KDM5B: variants seen among roughly 807,000 people sequenced by gnomAD.
The protein encoded by KDM5B is lysine-specific demethylase 5B.
A neutral mutation model predicts 193.4 loss-of-function variants in KDM5B; 144 were observed. The observed-to-expected ratio is 0.74, with a 90% confidence interval of 0.65 to 0.86. The LOEUF is 0.86. Among genes scored for constraint, KDM5B ranks in the 40% least tolerant of loss-of-function variants. The pLI, the probability that KDM5B is intolerant of heterozygous loss-of-function variation, is 0.00. For synonymous variants in KDM5B, 668 were observed against 682.6 expected (o/e 0.98, Z 0.33); for missense variants, 1,833 against 1,886.9 (o/e 0.97, Z 0.53).
rs1572698268 is a variant in KDM5B at position 202,725,586 on chromosome 1, G to A, written c.*3450C>T. On this transcript the variant is annotated 3_prime_UTR_variant, in exon 27 of 27. Coordinates refer to ENST00000367265, the MANE Select transcript of KDM5B (RefSeq NM_006618.5). ...ACATAGCTCAATAAAGGCCGACACT[G>A]GGATCTTCATTGCTTTCCTCAGCTT... The A allele has an allele frequency of 6.6e-6, 1 of 152,300 alleles. No homozygotes were observed. Among genetic ancestry groups the A allele is most frequent in the East Asian group, 1.9e-4 (1 of 5,178 alleles). 9.4% of individuals were successfully genotyped at this position (152,300 alleles called of 1,614,324 possible).
intron 26 of KDM5B, chr1:202,729,459 G>C: frequency 1.7e-6 from 1 of 588,126 alleles, no homozygotes; most frequent in Non-Finnish European, 3.0e-6. Flanking sequence ...CCTTCTTAGC[G>C]CCGGGAAGGT....
chr1:202,741,170 G>A (rs973728914), intron 19 of KDM5B, among the ~76,000 whole-genome samples, 197 bp downstream of exon 19: 12 of 152,168 alleles, frequency 7.9e-5, no homozygotes, highest in African/African-American at 2.9e-4. Flanking sequence ...TTTTTAATCA[G>A]TAAAATAAGA....
At chr1:202,799,083 C>A (rs1657969333) in intron 1 of KDM5B, among the ~76,000 whole-genome samples, 1 of 152,118 alleles carries the variant, frequency 6.6e-6, no homozygotes, top group African/African-American at 2.4e-5. Context: ...TGGCACTAAC[C>A]CTTGTCTCAC....
intron 3 of KDM5B, 88 bp from the exon 4 acceptor site, chr1:202,773,376 C>A: frequency 9.2e-7 from 1 of 1,083,280 alleles, no homozygotes; most frequent in East Asian, 2.4e-5. Context: ...ATGTTCTTGG[C>A]TATGGTTATC....
intron 12 of KDM5B, among the ~76,000 whole-genome samples, 159 bp downstream of exon 12, chr1:202,752,746 G>C (rs1655842123): frequency 6.6e-6 from 1 of 152,206 alleles, no homozygotes; most frequent in Admixed American, 6.5e-5. Context: ...CAGTCCTACT[G>C]AGTAAATGTA....
In KDM5B at chr1:202,740,798, A is replaced by G; in HGVS notation, c.2960T>C (p.Leu987Ser). Residue 987 changes from leucine to serine, a missense_variant, in exon 20 of 27, where the codon TTG (leucine) becomes TCG (serine). This residue lies in a region of KDM5B where 1,379 missense variants were observed against 1,349.6 expected (regional missense o/e 1.02). Coordinates refer to ENST00000367265, the MANE Select transcript of KDM5B (RefSeq NM_006618.5). Reference sequence around the variant, plus strand: ...CTTTACTGCCGTAGCAAGGCTATTCAATGAATGTCGTGGCCTACAAAATGC... The same window carrying G: ...CTTTACTGCCGTAGCAAGGCTATTCGATGAATGTCGTGGCCTACAAAATGC... ...SLLKARPRHS[L>S]NSLATAVKEI... 2 of 1,611,290 alleles carry G rather than the reference A, an allele frequency of 1.2e-6. No homozygotes were observed. The highest frequency in any genetic ancestry group is 1.1e-5 in the South Asian group (1 of 90,860).
At chr1:202,760,914 A>C (rs1656221408) in intron 7 of KDM5B, among the ~76,000 whole-genome samples, 1 of 152,078 alleles carries the variant, frequency 6.6e-6, no homozygotes, top group Non-Finnish European at 1.5e-5. Flanking sequence ...TGTAGTTCCA[A>C]CTACTTGGGG....
At position 202,808,118 on chromosome 1, in the gene KDM5B, T is replaced by G; in HGVS notation, c.188A>C (p.Lys63Thr). The G allele has an allele frequency of 6.2e-7, 1 of 1,611,574 alleles. No homozygotes were observed. Among genetic ancestry groups the G allele is most frequent in the Non-Finnish European group, 8.5e-7 (1 of 1,179,122 alleles). Residue 63 changes from lysine to threonine, a missense_variant, in exon 1 of 27, where the codon AAG becomes ACG. Physicochemically the swap from Lys to Thr is moderately conservative, Grantham distance 78. Transcript: ENST00000367265. ...RPIAEQTGIC[K>T]VRPPPDWQPP... ...GTGACTCACCGGCGGCGGCCGCACC[T>G]TACAGATGCCAGTCTGCTCGGCTAT... is the stretch of plus-strand genomic sequence containing the variant.
Position 202,746,281 on chromosome 1 carries a change from C to G in KDM5B, c.2059G>C (p.Asp687His). ...SERMDFELLP[D>H]DERQCVKCKT... The stretch of plus-strand genomic sequence containing the variant: ...CATTTTACACACTGACGTTCATCAT[C>G]TGGCAACAGCTCAAAATCCATTCTT... The change falls in exon 15 of 27, where the codon GAT (aspartate) becomes CAT (histidine). Residue 687 changes from aspartate to histidine, a missense_variant. By Grantham distance (81) the Asp-to-His change is moderately conservative. Around this residue, in one of 3 missense-constraint regions of KDM5B, gnomAD observed 1,379 missense variants for 1,349.6 expected, o/e 1.02. Coordinates refer to ENST00000367265, the MANE Select transcript of KDM5B (RefSeq NM_006618.5). 1 of 1,612,782 alleles carries G rather than the reference C, an allele frequency of 6.2e-7. No individual in the cohort carries two copies. Among genetic ancestry groups the G allele is most frequent in the Non-Finnish European group, 8.5e-7 (1 of 1,179,494 alleles).
chr1:202,735,764 TA>T (rs1435501041), intron 21 of KDM5B, among the ~76,000 whole-genome samples, 177 bp from the exon 22 acceptor site: 2 of 152,198 alleles, frequency 1.3e-5, no homozygotes, highest in Non-Finnish European at 2.9e-5. Context: ...GGAAGACTCA[TA>T]AAAGATAGAC....
intron 21 of KDM5B, 112 bp downstream of exon 21, chr1:202,736,101 C>A: frequency 1.3e-6 from 1 of 751,326 alleles, no homozygotes; most frequent in Non-Finnish European, 2.0e-6. Context: ...ACGGGAAGAA[C>A]AACTCACAGA....
intron 4 of KDM5B, chr1:202,767,318 A>G (rs1656510830): frequency 6.2e-7 from 1 of 1,608,910 alleles, no homozygotes; most frequent in African/African-American, 1.3e-5. Context: ...AGTAACGACC[A>G]CTTGTTTTCC....
In KDM5B at chr1:202,731,013, C is replaced by G; in HGVS notation, c.4072G>C (p.Val1358Leu). Residue 1358 changes from valine to leucine, a missense_variant, in exon 25 of 27, where the codon GTA becomes CTA. Physicochemically the swap from Val to Leu is conservative, Grantham distance 32 (BLOSUM62 1). Transcript: ENST00000367265. ...ELLMEAQLLQ[V>L]SLPEIQELYQ... ...AGTTCCTGAATTTCAGGAAGGGATACCTGGAGCAGCTGGGCTTCCATCAAT... is the reference window on the plus strand; with the variant it reads ...AGTTCCTGAATTTCAGGAAGGGATAGCTGGAGCAGCTGGGCTTCCATCAAT... The G allele has an allele frequency of 6.2e-7, 1 of 1,613,772 alleles. No individual in the cohort carries two copies. The highest frequency in any genetic ancestry group is 1.1e-5 in the South Asian group (1 of 91,054).
chr1:202,779,643 T>C (rs1397310838), intron 1 of KDM5B, among the ~76,000 whole-genome samples: 3 of 149,680 alleles, frequency 2.0e-5, no homozygotes, highest in Non-Finnish European at 3.0e-5. Flanking sequence ...CTACTAAAAA[T>C]ACACAAAAAA....
rs71564198 is a variant in KDM5B at position 202,747,569 on chromosome 1, TAAAAAA to T, written c.2017-1252_2017-1247del. 2.3e-5 allele frequency among the ~76,000 whole-genome samples: 3 copies of T among 129,146 alleles called. No individual in the cohort carries two copies. The East Asian group carries it at 7.0e-4, about 30-fold the overall frequency. 84.7% of individuals were successfully genotyped at this position (129,146 alleles called of 152,430 possible). A position where few individuals can be genotyped will look rare whatever the true frequency, so the allele number is the denominator to read the frequency against. On this transcript the variant is annotated intron_variant, in intron 14 of 26. Transcript: ENST00000367265. Reference sequence around the variant, plus strand: ...TTCTACCCAAAAAGGCACATATTTTTAAAAAAAAAAAAAAAAACAGTATTACTATTT... The same window carrying T: ...TTCTACCCAAAAAGGCACATATTTTTAAAAAAAAAAACAGTATTACTATTT...
At chr1:202,770,086 A>G (rs568038354) in intron 4 of KDM5B, among the ~76,000 whole-genome samples, 1 of 152,300 alleles carries the variant, frequency 6.6e-6, no homozygotes, top group African/African-American at 2.4e-5. Context: ...TAAGAAAATC[A>G]TGCCCTGTAG....
rs996546700 is a variant in KDM5B, at chr1:202,784,976, C to A, written c.205-7882G>T. Among the ~76,000 whole-genome samples the A allele has an allele frequency of 1.1e-4, 17 of 149,698 alleles. No homozygotes were observed. In the Admixed American group the frequency reaches 1.1e-3, roughly 10 times the overall value. The stretch of plus-strand genomic sequence containing the variant: ...TTGAACCTGGGAGGCAAAGACTGCA[C>A]TCCAGCCTAGATGACAAAGTGAGAG... On this transcript the variant is annotated intron_variant, in intron 1 of 26. Coordinates refer to ENST00000367265, the MANE Select transcript of KDM5B (RefSeq NM_006618.5).
chr1:202,776,741 T>C (rs979346962), intron 2 of KDM5B, among the ~76,000 whole-genome samples: 5 of 152,090 alleles, frequency 3.3e-5, no homozygotes, highest in African/African-American at 4.8e-5. Context: ...TTTTAAACTA[T>C]GTTTTAGCAG....
intron 7 of KDM5B, among the ~76,000 whole-genome samples, chr1:202,761,649 A>G (rs950260923): frequency 6.6e-6 from 1 of 152,306 alleles, no homozygotes; most frequent in East Asian, 1.9e-4. Context: ...TGCTGTCCTT[A>G]TAAGGACAAA....
Sources: gnomAD v4.1 joint callset for allele counts (sites outside exome capture counted in the v4.1 genomes callset) on GRCh38, gnomAD v4.1.1 for gene constraint, gnomAD v4.1.1 regional missense constraint, MANE v1.5 for transcripts, NCBI Gene and HGNC (gene_info 2026-07-23, HGNC 2026-07-21) for gene names.